LGSN: variants seen among roughly 807,000 people sequenced by gnomAD.
LGSN encodes lengsin, lens protein with glutamine synthetase domain, also known as lengsin.
Under a neutral mutation model 19.5 loss-of-function variants are expected in LGSN, and 21 were observed. The observed-to-expected ratio is 1.07, with a 90% CI of 0.76 to 1.55. The LOEUF (loss-of-function observed/expected upper bound fraction) is 1.55. Among genes scored for constraint, LGSN ranks in the 40% most tolerant of loss-of-function variants. The probability of loss-of-function intolerance (pLI) is 0.00; values close to 1 mark genes in which losing one functional copy is unlikely to be tolerated. For missense variants in LGSN, 673 were observed against 608.5 expected, an observed-to-expected ratio of 1.11 and a Z score of -1.12; for synonymous variants, 257 against 215.6, an observed-to-expected ratio of 1.19 and a Z score of -1.68.
the LGSN span, among the ~76,000 whole-genome samples, chr6:63,452,546 G>A: frequency 6.6e-6 from 1 of 151,638 alleles, no homozygotes. Context: ...AAGCTCATCT[G>A]TTTTCAAATA....
the LGSN span, among the ~76,000 whole-genome samples, chr6:63,384,158 G>T: frequency 8.0e-4 from 122 of 152,202 alleles, no homozygotes; most frequent in African/African-American, 2.6e-3. Context: ...GTCCTCCCCA[G>T]TTTTTTCCAT....
At chr6:63,306,756 G>C (rs1723520) in intron 1 of LGSN, among the ~76,000 whole-genome samples, 7,974 of 152,180 alleles carry the variant, frequency 0.052, 695 homozygotes, top group African/African-American at 0.18. Context: ...GTAGTTGATA[G>C]CCCTTCCCAG....
chr6:63,506,557 C>T, the LGSN span, among the ~76,000 whole-genome samples: 2 of 152,166 alleles, frequency 1.3e-5, no homozygotes, highest in Non-Finnish European at 2.9e-5. Context: ...GCCACTGTGC[C>T]CAGCTCTTCT....
the LGSN span, among the ~76,000 whole-genome samples, chr6:63,336,643 T>G: frequency 3.3e-5 from 5 of 150,942 alleles, no homozygotes; most frequent in Non-Finnish European, 7.4e-5. Context: ...TTTTTTTTTT[T>G]GAAATGGACT....
intron 2 of LGSN, among the ~76,000 whole-genome samples, chr6:63,293,081 C>A (rs544753649): frequency 6.6e-6 from 1 of 152,262 alleles, no homozygotes; most frequent in South Asian, 2.1e-4. Flanking sequence ...TCACAACTCA[C>A]CTCAACCTCC....
the LGSN span, among the ~76,000 whole-genome samples, chr6:63,436,264 G>A: frequency 3.9e-5 from 6 of 152,126 alleles, no homozygotes; most frequent in South Asian, 2.1e-4. Context: ...AGAGCAGCCC[G>A]GCTAATTTTT....
chr6:63,454,952 C>A, the LGSN span, among the ~76,000 whole-genome samples: 1 of 151,880 alleles, frequency 6.6e-6, no homozygotes, highest in Non-Finnish European at 1.5e-5. Context: ...GCCACCACGC[C>A]CGGCTAATTT....
the LGSN span, among the ~76,000 whole-genome samples, chr6:63,370,696 T>C: frequency 2.0e-5 from 3 of 152,268 alleles, no homozygotes; most frequent in Admixed American, 6.5e-5. Context: ...GGGGCACAGA[T>C]TGGGGCAGGG....
At chr6:63,371,240 T>C in the LGSN span, among the ~76,000 whole-genome samples, 3 of 152,236 alleles carry the variant, frequency 2.0e-5, no homozygotes, top group Non-Finnish European at 4.4e-5. Flanking sequence ...CTTCTAATGC[T>C]TTCTATTTTC....
chr6:63,439,420 A>G, the LGSN span, among the ~76,000 whole-genome samples: 1 of 152,068 alleles, frequency 6.6e-6, no homozygotes, highest in Non-Finnish European at 1.5e-5. Flanking sequence ...TGGTGGCGTG[A>G]GCCCATAATC....
At chr6:63,491,857 G>A in the LGSN span, among the ~76,000 whole-genome samples, 22 of 152,024 alleles carry the variant, frequency 1.4e-4, no homozygotes, top group Admixed American at 9.2e-4. Context: ...GTGAAACCCC[G>A]TCTCTACTAA....
At chr6:63,313,532 C>A (rs1015596626) in intron 1 of LGSN, among the ~76,000 whole-genome samples, 1 of 152,092 alleles carries the variant, frequency 6.6e-6, no homozygotes, top group Non-Finnish European at 1.5e-5. Flanking sequence ...AGAAGACTTG[C>A]ATATATTTAA....
At chr6:63,362,591 A>G in the LGSN span, among the ~76,000 whole-genome samples, 19,865 of 152,158 alleles carry the variant, frequency 0.13, 2,871 homozygotes, top group African/African-American at 0.36. Flanking sequence ...ACAGAGCCTC[A>G]CTCACTGCTA....
At chr6:63,440,512 A>G in the LGSN span, among the ~76,000 whole-genome samples, 1 of 152,172 alleles carries the variant, frequency 6.6e-6, no homozygotes, top group African/African-American at 2.4e-5. Flanking sequence ...TTTTTCTACA[A>G]TAGTATCACC....
the LGSN span, among the ~76,000 whole-genome samples, chr6:63,438,904 C>T: frequency 1.5e-4 from 23 of 152,250 alleles, no homozygotes; most frequent in Admixed American, 3.3e-4. Context: ...CACATGCACA[C>T]GTATGTTTAT....
the LGSN span, chr6:63,573,388 T>TG: frequency 6.6e-6 from 1 of 152,210 alleles, no homozygotes; most frequent in African/African-American, 2.4e-5. Flanking sequence ...GGACAGCCAC[T>TG]GGGTGCAGCT....
the LGSN span, among the ~76,000 whole-genome samples, chr6:63,412,718 G>GGAAAGAAAGAAA: frequency 1.7e-3 from 95 of 54,790 alleles, no homozygotes; most frequent in South Asian, 2.1e-3. Flanking sequence ...AGGGAAGGAA[G>GGAAAGAAAGAAA]GAAAGAAAGA....
chr6:63,439,142 G>T, the LGSN span, among the ~76,000 whole-genome samples: 5 of 151,982 alleles, frequency 3.3e-5, no homozygotes, highest in Non-Finnish European at 7.4e-5. Flanking sequence ...CTCATAGGTG[G>T]GAATTGAACA....
the LGSN span, among the ~76,000 whole-genome samples, chr6:63,433,655 A>G: frequency 2.0e-5 from 3 of 152,208 alleles, no homozygotes; most frequent in Non-Finnish European, 4.4e-5. Flanking sequence ...GCCTGGTTGT[A>G]GATATACACA....
Sources: gnomAD v4.1 joint callset for allele counts (sites outside exome capture counted in the v4.1 genomes callset) on GRCh38, gnomAD v4.1.1 for gene constraint, MANE v1.5 for transcripts, NCBI Gene and HGNC (gene_info 2026-07-23, HGNC 2026-07-21) for gene names.